Variants in SNRPB observed in about 807,000 individuals in gnomAD.
The protein encoded by SNRPB is small nuclear ribonucleoprotein-associated proteins B and B'.
In SNRPB, 5 loss-of-function variants were observed where a neutral mutation model predicts 26.6. The ratio of observed to expected loss-of-function variants is 0.19; its 90% CI spans 0.10 to 0.39. The LOEUF is 0.39. SNRPB is among the 10% of genes least tolerant of loss of function. The pLI is 1.00. For missense variants in SNRPB, 211 were observed against 311.9 expected, an observed-to-expected ratio of 0.68 and a Z score of 2.44; for synonymous variants, 122 against 105.8, an observed-to-expected ratio of 1.15 and a Z score of -0.94.
Position 2,463,800 on chromosome 20 carries a change from C to G in SNRPB, c.367G>C (p.Ala123Pro). Residue 123 changes from alanine (A) to proline (P), a missense_variant, in exon 4 of 7, where the codon GCT becomes CCT. Coordinates refer to ENST00000381342, the MANE Select transcript of SNRPB (RefSeq NM_003091.4). This position sits in a 1 kb window ranked among gnomAD's most constrained non-coding sequence, Gnocchi z 5.0. ...ACTGGCCCAGCAAGTCCTGCAGGAG[C>G]CTGGGGCATGGGAACCCCAGCTGGG... ...GIPAGVPMPQ[A>P]PAGLAGPVRG... The G allele has an allele frequency of 6.2e-7, 1 of 1,613,226 alleles. No homozygotes were observed. The highest frequency in any genetic ancestry group is 8.5e-7 in the Non-Finnish European group (1 of 1,179,634).
intron 2 of SNRPB, among the ~76,000 whole-genome samples, chr20:2,467,036 T>C (rs751209368): frequency 2.0e-5 from 3 of 152,206 alleles, no homozygotes; most frequent in Non-Finnish European, 4.4e-5. Context: ...TCATATCTTT[T>C]AATGGGCCAA....
At chr20:2,470,227 A>C (rs2085103621) in intron 1 of SNRPB, among the ~76,000 whole-genome samples, 1 of 152,178 alleles carries the variant, frequency 6.6e-6, no homozygotes. Context: ...TCCATCCAGC[A>C]GACCTAGCGA....
chr20:2,470,100 A>G (rs1162318906), intron 1 of SNRPB, among the ~76,000 whole-genome samples: 1 of 152,244 alleles, frequency 6.6e-6, no homozygotes, highest in African/African-American at 2.4e-5. Context: ...GGAAGCAAAC[A>G]TATTTCAGAG....
intron 1 of SNRPB, among the ~76,000 whole-genome samples, chr20:2,469,921 G>A (rs963499434): frequency 1.3e-5 from 2 of 152,014 alleles, no homozygotes; most frequent in African/African-American, 4.8e-5. Context: ...TCAGTTCTCC[G>A]GGTCTGTAAT....
Position 2,467,668 on chromosome 20 carries a change from T to C in SNRPB, c.94A>G (p.Lys32Glu), listed in dbSNP as rs1233473427. ...AAATTCATGTGCTTGTCAAAAGCCT[T>C]GAAGGTGCCAATGAAGATCCGGCCG... ...QDGRIFIGTF[K>E]AFDKHMNLIL... The change falls in exon 2 of 7, where the codon AAG (lysine) becomes GAG (glutamate). Residue 32 changes from lysine (K) to glutamate (E), a missense_variant. Transcript: ENST00000381342. 1.9e-5 allele frequency: 31 copies of C among 1,614,166 alleles called. No individual in the cohort carries two copies. The highest frequency in any genetic ancestry group is 2.6e-5 in the Non-Finnish European group (31 of 1,180,026).
At chr20:2,468,495 T>C (rs1053485759) in intron 1 of SNRPB, among the ~76,000 whole-genome samples, 7 of 152,242 alleles carry the variant, frequency 4.6e-5, no homozygotes, top group Admixed American at 1.3e-4. Context: ...CACCTGGCAT[T>C]TGATCTGTAT....
intron 1 of SNRPB, among the ~76,000 whole-genome samples, chr20:2,468,226 G>C (rs1469631482): frequency 1.3e-5 from 2 of 152,168 alleles, no homozygotes; most frequent in African/African-American, 4.8e-5. Context: ...TATCAGGAAG[G>C]AGATCAGCTT....
intron 1 of SNRPB, 45 bp downstream of exon 1, chr20:2,470,643 A>C: frequency 6.2e-7 from 1 of 1,612,890 alleles, no homozygotes; most frequent in Non-Finnish European, 8.5e-7. Flanking sequence ...CCCACTCCAC[A>C]ACAGACTCGG....
Position 2,461,900 on chromosome 20 carries a change from G to A in SNRPB, c.*29C>T, listed in dbSNP as rs1455634660. 6.2e-7 allele frequency: 1 copy of A among 1,613,830 alleles called. No individual in the cohort carries two copies. Among genetic ancestry groups the A allele is most frequent in the African/African-American group, 1.3e-5 (1 of 74,940 alleles). On this transcript the variant is annotated 3_prime_UTR_variant, in exon 7 of 7. Coordinates refer to ENST00000381342, the MANE Select transcript of SNRPB (RefSeq NM_003091.4). ...GAGGAATCGAGCCCACGCCTCTGCG[G>A]AGCTACTTCCATACTCTGTGGCCAA...
At chr20:2,464,004 T>C in intron 3 of SNRPB, 105 bp from the exon 4 acceptor site, 1 of 953,000 alleles carries the variant, frequency 1.0e-6, no homozygotes, top group Non-Finnish European at 1.7e-6. Context: ...TTATAAATAC[T>C]ATCGAAATAG....
At chr20:2,466,341 C>G (rs1366071714) in intron 2 of SNRPB, among the ~76,000 whole-genome samples, 1 of 152,162 alleles carries the variant, frequency 6.6e-6, no homozygotes, top group Non-Finnish European at 1.5e-5. Context: ...TTCACATACA[C>G]AGAAATTGAA....
intron 2 of SNRPB, among the ~76,000 whole-genome samples, chr20:2,466,307 T>C (rs1055989210): frequency 9.2e-5 from 14 of 152,088 alleles, no homozygotes; most frequent in African/African-American, 1.7e-4. Context: ...GGAGAAGCCA[T>C]AGAAGGAAAA....
At chr20:2,464,887 A>AC (rs34323921) in intron 3 of SNRPB, among the ~76,000 whole-genome samples, 112,713 of 149,356 alleles carry the variant, frequency 0.75, 44,735 homozygotes, top group East Asian at 0.97. Context: ...AAAAAAAAAA[A>AC]AAAAAAAACC....
At chr20:2,468,386 C>T (rs927965934) in intron 1 of SNRPB, among the ~76,000 whole-genome samples, 2 of 152,188 alleles carry the variant, frequency 1.3e-5, no homozygotes, top group Non-Finnish European at 2.9e-5. Flanking sequence ...CTTTCATAAC[C>T]TGGGTTCCAA....
intron 3 of SNRPB, among the ~76,000 whole-genome samples, 188 bp downstream of exon 3, chr20:2,465,520 G>A (rs886191749): frequency 6.6e-6 from 1 of 151,630 alleles, no homozygotes; most frequent in Non-Finnish European, 1.5e-5. Context: ...TGAGAGCTGG[G>A]ATTACAGATG....
intron 5 of SNRPB, 63 bp from the exon 6 acceptor site, chr20:2,462,824 C>T: frequency 7.2e-7 from 1 of 1,381,692 alleles, no homozygotes; most frequent in African/African-American, 1.5e-5. Flanking sequence ...AGCAAAAAAA[C>T]TACAAAGCTT....
At chr20:2,467,341 T>TA (rs1419948004) in intron 2 of SNRPB, 1 of 565,302 alleles carries the variant, frequency 1.8e-6, no homozygotes, top group Non-Finnish European at 3.3e-6. Flanking sequence ...GAGAGCCCTT[T>TA]ACCCCAGTAC....
At position 2,463,696 on chromosome 20, in the gene SNRPB, T is replaced by C; in HGVS notation, c.420+51A>G. The C allele has an allele frequency of 7.2e-7, 1 of 1,389,074 alleles. No homozygotes were observed. Among genetic ancestry groups the C allele is most frequent in the Non-Finnish European group, 9.8e-7 (1 of 1,018,000 alleles). 86.0% of individuals were successfully genotyped at this position (1,389,074 alleles called of 1,614,324 possible). ...TTTTAAAACTATGGACCCTCCCCTT[T>C]ATCCTTTATTTTAGCCACCAGGAGG... On this transcript the variant is annotated intron_variant, in intron 4 of 6. Transcript: ENST00000381342. This position sits in a 1 kb window ranked among gnomAD's most constrained non-coding sequence, Gnocchi z 5.0.
At position 2,463,784 on chromosome 20, in the gene SNRPB, G is replaced by A; in HGVS notation, c.383C>T (p.Ala128Val). The change falls in exon 4 of 7, where the codon GCT becomes GTT. Residue 128 changes from alanine to valine, a missense_variant. Transcript: ENST00000381342. The surrounding 1 kb of genome is among the most constrained non-coding windows in gnomAD (Gnocchi z 5.0). ...VPMPQAPAGLAGPVRGVGGPS... is the reference protein window; with the variant it reads ...VPMPQAPAGLVGPVRGVGGPS... ...CCCGCCAACCCCACGGACTGGCCCA[G>A]CAAGTCCTGCAGGAGCCTGGGGCAT... The A allele has an allele frequency of 6.2e-7, 1 of 1,609,624 alleles. No individual in the cohort carries two copies. Among genetic ancestry groups the A allele is most frequent in the Non-Finnish European group, 8.5e-7 (1 of 1,178,388 alleles).
Sources: allele counts gnomAD v4.1 joint callset (sites outside exome capture counted in the v4.1 genomes callset), GRCh38; gene constraint gnomAD v4.1.1; non-coding constraint Gnocchi (gnomAD v3.1); transcripts MANE v1.5; gene names NCBI Gene and HGNC (gene_info 2026-07-23, HGNC 2026-07-21).